Variants in GPC6 observed in about 807,000 individuals in gnomAD.
GPC6 encodes the protein glypican 6.
A neutral mutation model predicts 55.2 loss-of-function variants in GPC6; 14 were observed. The observed-to-expected ratio is 0.25, with a 90% CI of 0.17 to 0.40. The LOEUF (loss-of-function observed/expected upper bound fraction) is 0.40. Ranked by LOEUF, GPC6 falls within the 10% of genes least tolerant of loss-of-function variation. The pLI, the probability that GPC6 is intolerant of heterozygous loss-of-function variation, is 1.00. For missense variants in GPC6, 641 were observed against 708.5 expected (o/e 0.90, Z 1.08); for synonymous variants, 278 against 259.6 (o/e 1.07, Z -0.68).
chr13:93,752,360 G>A (rs996949023), intron 2 of GPC6, among the ~76,000 whole-genome samples: 1 of 151,536 alleles, frequency 6.6e-6, no homozygotes, highest in South Asian at 2.1e-4. Flanking sequence ...AGTCAAGGCT[G>A]AGATGTTTCA....
intron 2 of GPC6, among the ~76,000 whole-genome samples, chr13:93,738,936 TACAC>T (rs56928879): frequency 0.058 from 8,356 of 145,214 alleles, 221 homozygotes; most frequent in Middle Eastern, 0.095. Context: ...CACTTGGTTT[TACAC>T]ACACACACAC....
At chr13:93,462,361 T>C (rs1490205286) in intron 1 of GPC6, among the ~76,000 whole-genome samples, 2 of 152,026 alleles carry the variant, frequency 1.3e-5, no homozygotes, top group Non-Finnish European at 2.9e-5. Context: ...CAGTAAAAAA[T>C]GCAAATTTTC....
intron 6 of GPC6, chr13:94,306,398 T>G: frequency 2.1e-6 from 1 of 483,804 alleles, no homozygotes; most frequent in South Asian, 2.3e-5. Context: ...AATATTAATT[T>G]GAAAACTAAG....
chr13:94,290,435 AAAAAAAAAAAAAAAG>A (rs1237233857), intron 5 of GPC6, among the ~76,000 whole-genome samples: 103 of 145,704 alleles, frequency 7.1e-4, no homozygotes, highest in Admixed American at 1.8e-3. Flanking sequence ...AAGGTAAAAA[AAAAAAAAAAAAAAAG>A]AAAAAGAAAA....
chr13:94,072,493 A>G (rs1427702874), intron 4 of GPC6, among the ~76,000 whole-genome samples: 2 of 152,124 alleles, frequency 1.3e-5, no homozygotes, highest in Non-Finnish European at 1.5e-5. Flanking sequence ...AGCTGGGACT[A>G]CAGGCACGTG....
intron 4 of GPC6, among the ~76,000 whole-genome samples, chr13:94,193,688 C>G (rs1486824172): frequency 2.0e-5 from 3 of 152,072 alleles, no homozygotes; most frequent in African/African-American, 7.2e-5. Context: ...TGGGCTAGCC[C>G]GACTACAAAG....
intron 4 of GPC6, among the ~76,000 whole-genome samples, chr13:94,074,191 A>G (rs1884831533): frequency 6.6e-6 from 1 of 152,196 alleles, no homozygotes. Context: ...TTTTCAGAAT[A>G]GCAATCATCA....
chr13:93,308,997 G>A (rs183602703), intron 1 of GPC6, among the ~76,000 whole-genome samples: 2 of 151,984 alleles, frequency 1.3e-5, no homozygotes, highest in Non-Finnish European at 2.9e-5. Context: ...TGATTTAATG[G>A]GCACTTATTG....
intron 3 of GPC6, among the ~76,000 whole-genome samples, chr13:94,014,088 T>C (rs1242427532): frequency 1.3e-5 from 2 of 152,198 alleles, no homozygotes; most frequent in African/African-American, 2.4e-5. Context: ...CAATTCATAA[T>C]TGTTTCCTGT....
intron 3 of GPC6, among the ~76,000 whole-genome samples, chr13:93,926,523 T>G (rs1877867586): frequency 6.6e-6 from 1 of 152,216 alleles, no homozygotes; most frequent in African/African-American, 2.4e-5. Context: ...TAAAAATTGC[T>G]TAGGGCTATA....
chr13:94,192,054 T>TAA (rs11381320), intron 4 of GPC6, among the ~76,000 whole-genome samples: 6 of 151,836 alleles, frequency 4.0e-5, no homozygotes, highest in African/African-American at 9.7e-5. Context: ...TGATTTTTAT[T>TAA]AAAAAAAATA....
At chr13:94,093,051 T>G (rs912124638) in intron 4 of GPC6, among the ~76,000 whole-genome samples, 1 of 152,268 alleles carries the variant, frequency 6.6e-6, no homozygotes, top group African/African-American at 2.4e-5. Flanking sequence ...AAATATTTTA[T>G]CCATTTCTTA....
At chr13:93,856,991 A>G (rs1359850196) in intron 3 of GPC6, among the ~76,000 whole-genome samples, 1 of 151,622 alleles carries the variant, frequency 6.6e-6, no homozygotes, top group Non-Finnish European at 1.5e-5. Flanking sequence ...CTTGTTGTAG[A>G]TTCTTATTCA....
At chr13:93,977,201 T>C (rs943270594) in intron 3 of GPC6, among the ~76,000 whole-genome samples, 1 of 152,160 alleles carries the variant, frequency 6.6e-6, no homozygotes, top group Non-Finnish European at 1.5e-5. Flanking sequence ...TGCTCACTGC[T>C]AACTCAGGAC....
At chr13:94,400,214 A>T (rs1211488458) in intron 8 of GPC6, among the ~76,000 whole-genome samples, 4 of 152,168 alleles carry the variant, frequency 2.6e-5, no homozygotes. Flanking sequence ...AACCATTATC[A>T]CATCTTATAA....
chr13:94,102,286 G>A (rs990012813), intron 4 of GPC6, among the ~76,000 whole-genome samples: 1 of 152,096 alleles, frequency 6.6e-6, no homozygotes, highest in Non-Finnish European at 1.5e-5. Context: ...AAGAATACAT[G>A]TTACTGACAA....
At chr13:94,401,834 A>G (rs1881143662) in intron 8 of GPC6, among the ~76,000 whole-genome samples, 1 of 152,160 alleles carries the variant, frequency 6.6e-6, no homozygotes, top group African/African-American at 2.4e-5. Context: ...TAGGAGGCTA[A>G]GGCAGGAAGA....
At chr13:94,081,910 G>A (rs544765633) in intron 4 of GPC6, among the ~76,000 whole-genome samples, 4 of 148,652 alleles carry the variant, frequency 2.7e-5, no homozygotes, top group South Asian at 2.1e-4. Flanking sequence ...GCATGATCTC[G>A]GCTCACTACA....
chr13:93,732,359 C>A (rs745488269), intron 2 of GPC6, among the ~76,000 whole-genome samples: 2 of 152,214 alleles, frequency 1.3e-5, no homozygotes, highest in East Asian at 3.9e-4. Context: ...AACAAAAAAA[C>A]AAATATTGGA....
Sources: gnomAD v4.1 joint callset for allele counts (sites outside exome capture counted in the v4.1 genomes callset) on GRCh38, gnomAD v4.1.1 for gene constraint, MANE v1.5 for transcripts, NCBI Gene and HGNC (gene_info 2026-07-23, HGNC 2026-07-21) for gene names.